The following SOAT1 variants were observed in gnomAD, a reference collection of about 807,000 sequenced individuals.
SOAT1 encodes the protein sterol O-acyltransferase 1.
SOAT1 carries 55 observed loss-of-function variants against 69.5 expected under a neutral mutation model. That is an observed-to-expected ratio of 0.79 (90% CI 0.64 to 0.99). SOAT1 has a LOEUF of 0.99. Ranked by LOEUF, SOAT1 falls within the 50% of genes least tolerant of loss-of-function variation. SOAT1 has a pLI of 0.00. For missense variants in SOAT1, 580 were observed against 669.3 expected (o/e 0.87, Z 1.47); for synonymous variants, 231 against 224.7 (o/e 1.03, Z -0.25).
chr1:179,352,365 C>T (rs1666768683), intron 15 of SOAT1, among the ~76,000 whole-genome samples: 1 of 151,922 alleles, frequency 6.6e-6, no homozygotes, highest in South Asian at 2.1e-4. Context: ...GATCTACTAG[C>T]ACTAGCTGAA....
intron 2 of SOAT1, among the ~76,000 whole-genome samples, chr1:179,320,968 C>T (rs966044240): frequency 2.6e-5 from 4 of 151,366 alleles, no homozygotes; most frequent in East Asian, 3.9e-4. Flanking sequence ...TGCAGTGGCG[C>T]GATCTTGTCT....
chr1:179,301,966 T>C (rs1664844687), intron 1 of SOAT1, among the ~76,000 whole-genome samples: 1 of 152,222 alleles, frequency 6.6e-6, no homozygotes, highest in Non-Finnish European at 1.5e-5. Context: ...CCATTGACTT[T>C]GTTATTAAAT....
intron 7 of SOAT1, 56 bp downstream of exon 7, chr1:179,341,366 T>G (rs181932711): frequency 1.3e-6 from 2 of 1,488,398 alleles, no homozygotes; most frequent in East Asian, 2.3e-5. Flanking sequence ...ATAATAATAA[T>G]GATGATGACA....
Position 179,335,661 on chromosome 1 carries a change from A to T in SOAT1, c.329+4A>T. On this transcript the variant is annotated splice_donor_region_variant and intron_variant, in intron 4 of 15. Coordinates refer to ENST00000367619, the MANE Select transcript of SOAT1 (RefSeq NM_003101.6). Reference sequence around the variant, plus strand: ...AGAAAAACAACCATAGAGCGAAGTAAGTATGTGCTATTTTCTTTTAATGCA... The same window carrying T: ...AGAAAAACAACCATAGAGCGAAGTATGTATGTGCTATTTTCTTTTAATGCA... The T allele has an allele frequency of 6.2e-7, 1 of 1,607,086 alleles. No individual in the cohort carries two copies. Among genetic ancestry groups the T allele is most frequent in the Non-Finnish European group, 8.5e-7 (1 of 1,177,062 alleles).
chr1:179,325,351 A>G (rs61824366), intron 3 of SOAT1, among the ~76,000 whole-genome samples: 41,408 of 150,094 alleles, frequency 0.28, 6,024 homozygotes, highest in African/African-American at 0.37. Context: ...ACGGGGTTTC[A>G]CCGTGTTAGC....
At chr1:179,353,211 A>ATATATATATATAAATATATATATATT (rs1553248890) in intron 15 of SOAT1, among the ~76,000 whole-genome samples, 2 of 64,482 alleles carry the variant, frequency 3.1e-5, no homozygotes, top group East Asian at 4.7e-4. Flanking sequence ...ATATATAAAT[A>ATATATATATATAAATATATATATATT]TATATATATA....
chr1:179,337,438 A>T (rs1450061923), intron 4 of SOAT1, among the ~76,000 whole-genome samples: 1 of 152,152 alleles, frequency 6.6e-6, no homozygotes, highest in Admixed American at 6.5e-5. Flanking sequence ...GAGTGTGCTT[A>T]GAGGCCTGTT....
chr1:179,307,988 C>G (rs6425528), intron 2 of SOAT1, among the ~76,000 whole-genome samples: 39,189 of 151,538 alleles, frequency 0.26, 5,162 homozygotes, highest in East Asian at 0.46. Context: ...CGGGGTTTCT[C>G]CATGTTGGTC....
chr1:179,343,014 C>A, intron 9 of SOAT1, 71 bp downstream of exon 9: 1 of 1,154,186 alleles, frequency 8.7e-7, no homozygotes, highest in Non-Finnish European at 1.3e-6. Context: ...GATAGGTAAA[C>A]AGGGGCCAGT....
At chr1:179,310,163 G>C (rs1665172537) in intron 2 of SOAT1, among the ~76,000 whole-genome samples, 1 of 151,432 alleles carries the variant, frequency 6.6e-6, no homozygotes, top group South Asian at 2.1e-4. Context: ...GCCTCCCAAA[G>C]TGCTGGGATT....
intron 3 of SOAT1, among the ~76,000 whole-genome samples, chr1:179,330,577 G>A (rs561842312): frequency 6.6e-6 from 1 of 152,290 alleles, no homozygotes; most frequent in African/African-American, 2.4e-5. Context: ...ATTTTGGGGA[G>A]GGACTATTTA....
At chr1:179,328,199 A>G (rs1466397157) in intron 3 of SOAT1, among the ~76,000 whole-genome samples, 3 of 152,212 alleles carry the variant, frequency 2.0e-5, no homozygotes, top group South Asian at 2.1e-4. Context: ...GGCCTCCCAA[A>G]GTGCTGGGAT....
At chr1:179,303,557 A>G (rs1049693062) in intron 2 of SOAT1, among the ~76,000 whole-genome samples, 1 of 152,192 alleles carries the variant, frequency 6.6e-6, no homozygotes, top group Non-Finnish European at 1.5e-5. Context: ...TGTCTTTGGC[A>G]TTTCATCTCT....
chr1:179,351,030 T>TTTC (rs1558060645), intron 14 of SOAT1, among the ~76,000 whole-genome samples: 9 of 2,746 alleles, frequency 3.3e-3, no homozygotes, highest in Admixed American at 4.8e-3. Flanking sequence ...TCTTTTTTTT[T>TTTC]TTTTTTTTTT....
chr1:179,296,804 T>C (rs1664663467), intron 1 of SOAT1, among the ~76,000 whole-genome samples: 2 of 152,198 alleles, frequency 1.3e-5, no homozygotes, highest in South Asian at 4.1e-4. Flanking sequence ...AAAGCTGTAT[T>C]AATGGGAACA....
At chr1:179,307,509 T>G (rs1665047652) in intron 2 of SOAT1, among the ~76,000 whole-genome samples, 1 of 151,926 alleles carries the variant, frequency 6.6e-6, no homozygotes, top group Admixed American at 6.6e-5. Flanking sequence ...CTTGGGAGGA[T>G]CATTTGAGCC....
At chr1:179,349,794 G>A (rs764554529) in intron 13 of SOAT1, among the ~76,000 whole-genome samples, 17 of 152,234 alleles carry the variant, frequency 1.1e-4, no homozygotes, top group South Asian at 2.1e-4. Flanking sequence ...TTTTTATTAA[G>A]TGAGGGCACC....
chr1:179,353,176 G>A (rs1422319553), intron 15 of SOAT1, among the ~76,000 whole-genome samples: 2 of 22,450 alleles, frequency 8.9e-5, no homozygotes, highest in Non-Finnish European at 2.1e-4. Flanking sequence ...CTAATATTTA[G>A]TACCTTAAAA....
At chr1:179,320,825 T>G (rs1665570938) in intron 2 of SOAT1, among the ~76,000 whole-genome samples, 1 of 152,124 alleles carries the variant, frequency 6.6e-6, no homozygotes, top group Non-Finnish European at 1.5e-5. Context: ...AGCTTCCACC[T>G]CCCAGGTTCA....
Sources: allele counts gnomAD v4.1 joint callset (sites outside exome capture counted in the v4.1 genomes callset), GRCh38; gene constraint gnomAD v4.1.1; transcripts MANE v1.5; gene names NCBI Gene and HGNC (gene_info 2026-07-23, HGNC 2026-07-21).